Variants in ZDHHC11B observed in about 807,000 individuals in gnomAD.
ZDHHC11B encodes probable palmitoyltransferase ZDHHC11B.
A neutral mutation model predicts 42.3 loss-of-function variants in ZDHHC11B; 17 were observed. That is an observed-to-expected ratio of 0.40 (90% CI 0.27 to 0.60). ZDHHC11B has a LOEUF of 0.60. ZDHHC11B is among the 20% of genes least tolerant of loss of function. The pLI is 0.41. For synonymous variants in ZDHHC11B, 123 were observed against 193.5 expected (o/e 0.64, Z 3.02); for missense variants, 262 against 463.2 (o/e 0.57, Z 3.99).
At chr5:729,389 C>T (rs530551855) in intron 12 of ZDHHC11B, among the ~76,000 whole-genome samples, 76 of 151,176 alleles carry the variant, frequency 5.0e-4, no homozygotes, top group African/African-American at 1.5e-3. Flanking sequence ...CCAGAGAGCA[C>T]GGGGCTGTTC....
chr5:733,966 A>G (rs1261763662), intron 10 of ZDHHC11B, 127 bp from the exon 11 acceptor site: 11 of 822,130 alleles, frequency 1.3e-5, no homozygotes, highest in Non-Finnish European at 2.1e-5. Flanking sequence ...AAAAACTTGT[A>G]GACCAGCAGC....
rs1735474642 is a variant in ZDHHC11B at position 766,833 on chromosome 5, G to T, written c.87C>A (p.Ser29=). 6.2e-7 allele frequency: 1 copy of T among 1,612,812 alleles called. No homozygotes were observed. The highest frequency in any genetic ancestry group is 8.5e-7 in the Non-Finnish European group (1 of 1,179,248). The part of the protein sequence containing the change: ...NEELVLPPRI[S]RVNGWSLPLH... ...GGGGTAACGACCAGCCGTTCACTCT[G>T]GAGATGCGGGGCGGCAAGACCAGCT... The change falls in exon 4 of 14, where the codon TCC becomes TCA. Residue 29 remains serine, a synonymous_variant. Transcript: ENST00000508859.
rs575751134 is a variant in ZDHHC11B, at chr5:752,087, A to G, written c.504-830T>C. ...AGGAGCACGCAGGCTGGGTCCCCTC[A>G]GGGGGCCCTGAGCATGGTCTGTGCT... On this transcript the variant is annotated intron_variant, in intron 6 of 13. Coordinates refer to ENST00000508859, the MANE Select transcript of ZDHHC11B (RefSeq NM_001351303.2). 5.8e-4 allele frequency among the ~76,000 whole-genome samples: 71 copies of G among 123,054 alleles called. 1 individual carries two copies. Among genetic ancestry groups the G allele is most frequent in the African/African-American group, 1.6e-3 (60 of 38,308 alleles). 80.7% of individuals were successfully genotyped at this position (123,054 alleles called of 152,430 possible).
At chr5:727,435 G>A (rs1272675166) in intron 12 of ZDHHC11B, among the ~76,000 whole-genome samples, 4 of 147,532 alleles carry the variant, frequency 2.7e-5, no homozygotes, top group Admixed American at 7.0e-5. Flanking sequence ...TCCTGGAACC[G>A]AAACAAAATG....
chr5:756,612 C>T (rs1320232134), intron 4 of ZDHHC11B, among the ~76,000 whole-genome samples: 1 of 151,716 alleles, frequency 6.6e-6, no homozygotes, highest in Non-Finnish European at 1.5e-5. Flanking sequence ...CCCTTTACAG[C>T]TTGAGGGACA....
chr5:749,713 C>G (rs1417406703), intron 7 of ZDHHC11B, among the ~76,000 whole-genome samples: 10 of 130,020 alleles, frequency 7.7e-5, no homozygotes, highest in Admixed American at 6.2e-4. Context: ...GCAGCATGTT[C>G]CAGGAGAGAA....
chr5:721,331 G>A (rs1423251314), intron 12 of ZDHHC11B, among the ~76,000 whole-genome samples: 5 of 151,314 alleles, frequency 3.3e-5, no homozygotes, highest in East Asian at 1.9e-4. Flanking sequence ...CTAAATAGCA[G>A]AAGTGAATCA....
intron 12 of ZDHHC11B, among the ~76,000 whole-genome samples, chr5:724,150 A>G (rs1224513554): frequency 6.6e-6 from 1 of 151,638 alleles, no homozygotes; most frequent in Non-Finnish European, 1.5e-5. Context: ...TCCCTCACTC[A>G]GTTCCCCTTG....
At chr5:779,462 G>A (rs1283477065) in intron 1 of ZDHHC11B, among the ~76,000 whole-genome samples, 1 of 149,802 alleles carries the variant, frequency 6.7e-6, no homozygotes, top group East Asian at 1.9e-4. Flanking sequence ...GGCCCTTGGG[G>A]GTCCACCTAA....
In ZDHHC11B at chr5:751,153, C is replaced by G. The variant is rs746401975; in HGVS notation, c.608G>C (p.Arg203Pro). The change falls in exon 7 of 14, where the codon CGC (arginine) becomes CCC (proline). Residue 203 changes from arginine (R) to proline (P), a missense_variant. By Grantham distance (103) the Arg-to-Pro change is moderately radical (BLOSUM62 -2). Transcript: ENST00000508859. ...CGTACCTTCATACCTGGGGTCCGTG[C>G]GGAGCACCCTGGGGTTCACGAGGTA... is the stretch of plus-strand genomic sequence containing the variant. ...VQYLVNPRVL[R>P]TDPRYEDVKN... 1 of 1,296,474 alleles carries G rather than the reference C, an allele frequency of 7.7e-7. No homozygotes were observed. The highest frequency in any genetic ancestry group is 2.3e-5 in the Admixed American group (1 of 42,702). 80.3% of individuals were successfully genotyped at this position (1,296,474 alleles called of 1,614,324 possible). A position where few individuals can be genotyped will look rare whatever the true frequency, so the allele number is the denominator to read the frequency against.
intron 4 of ZDHHC11B, among the ~76,000 whole-genome samples, chr5:761,457 G>A (rs1454049034): frequency 6.6e-6 from 1 of 151,642 alleles, no homozygotes; most frequent in East Asian, 1.9e-4. Flanking sequence ...TCGGAGGCTG[G>A]GCCACAGCAG....
intron 12 of ZDHHC11B, among the ~76,000 whole-genome samples, chr5:729,034 T>C (rs1244927584): frequency 8.2e-6 from 1 of 122,380 alleles, no homozygotes; most frequent in Non-Finnish European, 1.8e-5. Context: ...AAAATGTTGC[T>C]CCATGATCCA....
intron 9 of ZDHHC11B, among the ~76,000 whole-genome samples, chr5:742,191 T>C (rs1744236801): frequency 1.5e-5 from 2 of 136,774 alleles, no homozygotes; most frequent in African/African-American, 5.4e-5. Flanking sequence ...GTAGAGATGT[T>C]CAGGCTGGTC....
At chr5:777,940 C>CG (rs2150246374) in intron 1 of ZDHHC11B, among the ~76,000 whole-genome samples, 1 of 151,878 alleles carries the variant, frequency 6.6e-6, no homozygotes, top group Admixed American at 6.6e-5. Context: ...CTCGGCATGG[C>CG]GGTCGGCGGG....
chr5:759,747 A>T (rs1314996606), intron 4 of ZDHHC11B, among the ~76,000 whole-genome samples: 1 of 151,742 alleles, frequency 6.6e-6, no homozygotes, highest in African/African-American at 2.4e-5. Context: ...ATTCTTCCCC[A>T]CTTTCCACAA....
intron 8 of ZDHHC11B, 109 bp downstream of exon 8, chr5:748,295 C>T: frequency 1.2e-6 from 1 of 860,950 alleles, no homozygotes; most frequent in Non-Finnish European, 1.7e-6. Flanking sequence ...GACTCTGGCC[C>T]CAGGTGTGGG....
rs139046068 is a variant in ZDHHC11B at position 728,036 on chromosome 5, T to C, written c.1058+2398A>G. ...GGAAACACACAGATCAGAGAATTAC[T>C]ATCCCTAATGTGCAAAGAGCACTTA... On this transcript the variant is annotated intron_variant, in intron 12 of 13. Coordinates refer to ENST00000508859, the MANE Select transcript of ZDHHC11B (RefSeq NM_001351303.2). 8.6e-4 allele frequency among the ~76,000 whole-genome samples: 129 copies of C among 150,030 alleles called. 2 individuals carry two copies. In the East Asian group the frequency reaches 0.023, roughly 27 times the overall value.
chr5:719,892 T>G (rs1742055574), intron 12 of ZDHHC11B, among the ~76,000 whole-genome samples: 1 of 151,790 alleles, frequency 6.6e-6, no homozygotes, highest in South Asian at 2.1e-4. Flanking sequence ...CTGAGTAGCA[T>G]GATGAAATGT....
At chr5:736,219 A>C (rs1262898335) in intron 10 of ZDHHC11B, among the ~76,000 whole-genome samples, 1 of 149,968 alleles carries the variant, frequency 6.7e-6, no homozygotes, top group Admixed American at 6.8e-5. Flanking sequence ...TAAGAAAGAC[A>C]AAGAGCAACA....
Sources: gnomAD v4.1 joint callset for allele counts (sites outside exome capture counted in the v4.1 genomes callset) on GRCh38, gnomAD v4.1.1 for gene constraint, MANE v1.5 for transcripts, NCBI Gene and HGNC (gene_info 2026-07-23, HGNC 2026-07-21) for gene names.